TLK1: variants seen among roughly 807,000 people sequenced by gnomAD.
The protein encoded by TLK1 is serine/threonine-protein kinase tousled-like 1.
A neutral mutation model predicts 105.3 loss-of-function variants in TLK1; 24 were observed. The ratio of observed to expected loss-of-function variants is 0.23; its 90% CI spans 0.17 to 0.32. TLK1 has a LOEUF of 0.32. Among genes scored for constraint, TLK1 ranks in the 10% least tolerant of loss-of-function variants. The pLI is 1.00. For missense variants in TLK1, 558 were observed against 910.5 expected (o/e 0.61, Z 4.98); for synonymous variants, 321 against 310.4 (o/e 1.03, Z -0.36).
chr2:171,012,201 T>C (rs1363521974), intron 13 of TLK1, among the ~76,000 whole-genome samples: 1 of 152,156 alleles, frequency 6.6e-6, no homozygotes, highest in Non-Finnish European at 1.5e-5. Context: ...AATTTTCAGA[T>C]TTTAGAGAAG....
intron 2 of TLK1, 85 bp from the exon 3 acceptor site, chr2:171,082,937 T>C (rs901761614): frequency 1.1e-6 from 1 of 881,936 alleles, no homozygotes; most frequent in Non-Finnish European, 1.8e-6. Context: ...TATTACAAAG[T>C]AGATAATCTA....
At chr2:171,116,224 G>C (rs1247628130) in intron 2 of TLK1, among the ~76,000 whole-genome samples, 2 of 152,138 alleles carry the variant, frequency 1.3e-5, no homozygotes, top group South Asian at 2.1e-4. Flanking sequence ...AACAAAGTAA[G>C]AGACATATGA....
At chr2:171,228,698 C>T (rs28648794) in intron 1 of TLK1, among the ~76,000 whole-genome samples, 8,530 of 152,182 alleles carry the variant, frequency 0.056, 485 homozygotes, top group East Asian at 0.25. Flanking sequence ...AACTCATGTC[C>T]TTCTGGAGTT....
intron 1 of TLK1, among the ~76,000 whole-genome samples, chr2:171,158,354 A>AATAATAATACAT (rs1692316694): frequency 3.9e-5 from 6 of 152,216 alleles, no homozygotes; most frequent in African/African-American, 1.4e-4. Flanking sequence ...AAACTGCCGG[A>AATAATAATACAT]AAAAATTATG....
upstream of TLK1, among the ~76,000 whole-genome samples, chr2:171,162,023 T>C (rs1692515207): frequency 6.6e-6 from 1 of 152,236 alleles, no homozygotes; most frequent in South Asian, 2.1e-4. Context: ...TATTTTTTAT[T>C]TTTATGACTT....
chr2:171,039,252 A>C, intron 11 of TLK1, among the ~76,000 whole-genome samples: 1 of 151,344 alleles, frequency 6.6e-6, no homozygotes, highest in Non-Finnish European at 1.5e-5. Context: ...TGTATAGATG[A>C]GCTTTGTTTT....
At chr2:170,996,546 A>C (rs1684072495) in intron 20 of TLK1, 107 bp downstream of exon 20, 1 of 811,624 alleles carries the variant, frequency 1.2e-6, no homozygotes. Context: ...GATCCCCTGC[A>C]GCAGCGAGTC....
At chr2:171,033,139 G>A (rs1686128432) in intron 11 of TLK1, among the ~76,000 whole-genome samples, 1 of 152,166 alleles carries the variant, frequency 6.6e-6, no homozygotes. Flanking sequence ...CTGGGAGGCA[G>A]AGGTTGCAGT....
At chr2:171,185,756 C>T (rs546025493) in intron 1 of TLK1, among the ~76,000 whole-genome samples, 65 of 152,290 alleles carry the variant, frequency 4.3e-4, no homozygotes, top group Admixed American at 1.2e-3. Flanking sequence ...ATTTTTATTG[C>T]ACTTATTGGT....
chr2:171,112,005 G>A (rs1311535717), intron 2 of TLK1, among the ~76,000 whole-genome samples: 1 of 152,168 alleles, frequency 6.6e-6, no homozygotes, highest in Non-Finnish European at 1.5e-5. Context: ...AGGCTGGAGT[G>A]CAGTGGCATG....
At chr2:171,134,605 C>T (rs894533729) in intron 1 of TLK1, among the ~76,000 whole-genome samples, 1 of 151,756 alleles carries the variant, frequency 6.6e-6, no homozygotes, top group African/African-American at 2.4e-5. Context: ...ATCTGCACTC[C>T]CATGTTCACT....
intron 3 of TLK1, among the ~76,000 whole-genome samples, chr2:171,071,817 G>A (rs1172538304): frequency 6.6e-6 from 1 of 152,090 alleles, no homozygotes; most frequent in Non-Finnish European, 1.5e-5. Context: ...AGTTTTCCCT[G>A]CACCATTTAT....
chr2:171,212,901 T>TAAA (rs11452467), intron 1 of TLK1, among the ~76,000 whole-genome samples: 5 of 151,108 alleles, frequency 3.3e-5, no homozygotes, highest in South Asian at 4.2e-4. Context: ...TGTTTTTTTT[T>TAAA]AAAAAAAACA....
At chr2:171,072,228 C>T in intron 3 of TLK1, among the ~76,000 whole-genome samples, 1 of 152,172 alleles carries the variant, frequency 6.6e-6, no homozygotes, top group South Asian at 2.1e-4. Context: ...CATTCCATGA[C>T]CATGGAATAT....
At chr2:171,017,479 T>C (rs1396843406) in intron 12 of TLK1, among the ~76,000 whole-genome samples, 2 of 152,202 alleles carry the variant, frequency 1.3e-5, no homozygotes, top group African/African-American at 4.8e-5. Context: ...ATTTCAACAG[T>C]GAATTTATAA....
At position 171,189,269 on chromosome 2, in the gene TLK1, C is replaced by T. The variant is rs111314765; in HGVS notation, c.-6+41876G>A. On this transcript the variant is annotated intron_variant, in intron 1 of 20. Coordinates refer to the TLK1 transcript ENST00000521943. ...GCAGGCTCCACCTCCTGGATTCAAG[C>T]GATTCTCCTGCCTCAGCCTCCTGAA... 2.5e-3 allele frequency among the ~76,000 whole-genome samples: 374 copies of T among 150,962 alleles called. 2 individuals are homozygous for T. The highest frequency in any genetic ancestry group is 8.8e-3 in the African/African-American group (360 of 41,076).
intron 11 of TLK1, among the ~76,000 whole-genome samples, chr2:171,029,814 T>G (rs1685953595): frequency 6.6e-6 from 1 of 151,936 alleles, no homozygotes; most frequent in South Asian, 2.1e-4. Context: ...GGCCACGATC[T>G]CAGCTCACTG....
At chr2:171,165,106 T>C (rs1177725091), upstream of TLK1, among the ~76,000 whole-genome samples, 5 of 152,168 alleles carry the variant, frequency 3.3e-5, no homozygotes, top group African/African-American at 7.2e-5. Flanking sequence ...GAAGAGATCA[T>C]TGGAAGCTTT....
intron 8 of TLK1, among the ~76,000 whole-genome samples, chr2:171,051,133 CTGTG>C (rs1687218187): frequency 6.6e-6 from 1 of 152,164 alleles, no homozygotes; most frequent in Non-Finnish European, 1.5e-5. Flanking sequence ...AATCTCAACA[CTGTG>C]TGTGTATGAT....
Sources: allele counts gnomAD v4.1 joint callset (sites outside exome capture counted in the v4.1 genomes callset), GRCh38; gene constraint gnomAD v4.1.1; transcripts MANE v1.5; gene names NCBI Gene and HGNC (gene_info 2026-07-23, HGNC 2026-07-21).